The following GPHN variants were observed in gnomAD, a reference collection of about 807,000 sequenced individuals.
GPHN encodes gephyrin.
In GPHN, 17 loss-of-function variants were observed where a neutral mutation model predicts 95.5. That is an observed-to-expected ratio of 0.18 (90% CI 0.12 to 0.27). GPHN has a LOEUF of 0.27. Among genes scored for constraint, GPHN ranks in the 10% least tolerant of loss-of-function variants. GPHN has a pLI of 1.00. For synonymous variants in GPHN, 320 were observed against 322.5 expected, an observed-to-expected ratio of 0.99 and a Z score of 0.08; for missense variants, 660 against 978.1, an observed-to-expected ratio of 0.67 and a Z score of 4.34.
At position 66,508,481 on chromosome 14, in the gene GPHN, T is replaced by C. The variant is rs765020603; in HGVS notation, c.-47T>C. 16 of 1,588,958 alleles carry C rather than the reference T, an allele frequency of 1.0e-5. 1 individual carries two copies. The South Asian group carries it at 1.2e-4, about 12-fold the overall frequency. ...CGCTCCCGGCCCGCGCGCTCCGGGC[T>C]CCGGTTTCTCCCGGCTCCTGTCAGT... On this transcript the variant is annotated 5_prime_UTR_variant, in exon 1 of 23. Coordinates refer to ENST00000478722, the MANE Select transcript of GPHN (RefSeq NM_020806.5).
intron 9 of GPHN, among the ~76,000 whole-genome samples, chr14:66,981,803 C>T (rs1386365255): frequency 6.6e-6 from 1 of 152,086 alleles, no homozygotes; most frequent in Admixed American, 6.6e-5. Flanking sequence ...GGTCTACATT[C>T]GTTATTCCAT....
chr14:67,584,064 C>T, the GPHN span: 1 of 1,613,978 alleles, frequency 6.2e-7, no homozygotes, highest in Non-Finnish European at 8.5e-7. Flanking sequence ...AGTGCATCCG[C>T]ATCTACCTGA....
intron 5 of GPHN, among the ~76,000 whole-genome samples, chr14:66,911,120 C>T (rs975081508): frequency 1.3e-5 from 2 of 151,936 alleles, no homozygotes; most frequent in African/African-American, 4.8e-5. Context: ...ATAAGCACCA[C>T]ATGGATGAAC....
At chr14:67,184,566 A>G (rs1025675168), downstream of GPHN, among the ~76,000 whole-genome samples, 29 of 152,194 alleles carry the variant, frequency 1.9e-4, no homozygotes, top group Non-Finnish European at 3.4e-4. Flanking sequence ...GAAGGGAGAG[A>G]TGATTCAAAG....
At chr14:66,625,855 A>C (rs776077671) in intron 1 of GPHN, among the ~76,000 whole-genome samples, 3 of 152,176 alleles carry the variant, frequency 2.0e-5, no homozygotes, top group Non-Finnish European at 2.9e-5. Flanking sequence ...TTTATATTTA[A>C]TAGGGAGGCA....
chr14:67,113,811 T>G (rs1235022684), intron 16 of GPHN, among the ~76,000 whole-genome samples: 1 of 152,228 alleles, frequency 6.6e-6, no homozygotes, highest in African/African-American at 2.4e-5. Flanking sequence ...TTGCTTGTTT[T>G]GCTTAGGTTG....
chr14:67,058,027 A>G (rs1278922106), intron 10 of GPHN, among the ~76,000 whole-genome samples: 1 of 152,186 alleles, frequency 6.6e-6, no homozygotes, highest in Non-Finnish European at 1.5e-5. Flanking sequence ...AGTGCAGCCT[A>G]TCACAAAAAA....
At chr14:67,027,774 A>G (rs916689919) in intron 10 of GPHN, among the ~76,000 whole-genome samples, 1 of 152,270 alleles carries the variant, frequency 6.6e-6, no homozygotes, top group Non-Finnish European at 1.5e-5. Flanking sequence ...GTACATATTT[A>G]TGGAGTACAG....
At chr14:67,033,921 CAA>C (rs1199278563) in intron 10 of GPHN, among the ~76,000 whole-genome samples, 1 of 152,154 alleles carries the variant, frequency 6.6e-6, no homozygotes, top group East Asian at 1.9e-4. Context: ...ACGTTATATT[CAA>C]AGTGCTGAAG....
chr14:67,087,894 T>C (rs2153667572), intron 11 of GPHN, among the ~76,000 whole-genome samples: 1 of 152,308 alleles, frequency 6.6e-6, no homozygotes, highest in South Asian at 2.1e-4. Flanking sequence ...CTCATTTATT[T>C]TTGCTTTCCT....
intron 2 of GPHN, among the ~76,000 whole-genome samples, chr14:66,766,379 A>G (rs1388354758): frequency 6.6e-6 from 1 of 152,158 alleles, no homozygotes; most frequent in African/African-American, 2.4e-5. Flanking sequence ...TAGAAGGACT[A>G]CACTTTAGGA....
intron 9 of GPHN, among the ~76,000 whole-genome samples, chr14:66,982,045 C>G (rs188054474): frequency 1.9e-4 from 29 of 152,038 alleles, no homozygotes; most frequent in Admixed American, 1.8e-3. Context: ...TGTGAGTGTA[C>G]CTTAATGCAG....
chr14:66,747,515 T>C (rs750513047), intron 2 of GPHN, among the ~76,000 whole-genome samples: 3 of 152,044 alleles, frequency 2.0e-5, no homozygotes, highest in Non-Finnish European at 4.4e-5. Flanking sequence ...GTACTGACTC[T>C]TGGCCTGGGA....
chr14:67,696,941 C>T, the GPHN span, among the ~76,000 whole-genome samples: 1 of 152,206 alleles, frequency 6.6e-6, no homozygotes, highest in African/African-American at 2.4e-5. Context: ...CTAATTCCTA[C>T]CAATTTAACA....
the GPHN span, among the ~76,000 whole-genome samples, chr14:67,263,466 C>T: frequency 6.6e-6 from 1 of 152,156 alleles, no homozygotes; most frequent in Non-Finnish European, 1.5e-5. Context: ...AAAAGAGAAT[C>T]TCTATGAACA....
intron 3 of GPHN, among the ~76,000 whole-genome samples, chr14:66,791,251 TG>T (rs1348703387): frequency 6.6e-6 from 1 of 152,186 alleles, no homozygotes; most frequent in African/African-American, 2.4e-5. Flanking sequence ...TCCTTTGGGT[TG>T]GGGGTTTCCT....
chr14:67,294,404 G>C, the GPHN span: 6 of 151,640 alleles, frequency 4.0e-5, no homozygotes, highest in Admixed American at 3.9e-4. Flanking sequence ...TTTACAGCTG[G>C]AAAAAAATAT....
the GPHN span, among the ~76,000 whole-genome samples, chr14:67,483,805 G>A: frequency 6.6e-6 from 1 of 152,254 alleles, no homozygotes; most frequent in Non-Finnish European, 1.5e-5. Context: ...GCCAAGAGCA[G>A]GGGCCAGCTG....
chr14:67,135,769 A>G (rs1021989535), intron 17 of GPHN, among the ~76,000 whole-genome samples: 5 of 152,074 alleles, frequency 3.3e-5, no homozygotes, highest in African/African-American at 1.2e-4. Context: ...CAAATAAATA[A>G]AATTTTCCTC....
Sources: allele counts gnomAD v4.1 joint callset (sites outside exome capture counted in the v4.1 genomes callset), GRCh38; gene constraint gnomAD v4.1.1; transcripts MANE v1.5; gene names NCBI Gene and HGNC (gene_info 2026-07-23, HGNC 2026-07-21).